Variants in TMEM108 observed in about 807,000 individuals in gnomAD.
TMEM108 encodes transmembrane protein 108, also known as cancer/testis antigen 124.
TMEM108 carries 12 observed loss-of-function variants against 35.1 expected under a neutral mutation model. That is an observed-to-expected ratio of 0.34 (90% CI 0.22 to 0.55). TMEM108 has a LOEUF of 0.55. Among genes scored for constraint, TMEM108 ranks in the 20% least tolerant of loss-of-function variants. TMEM108 has a pLI of 0.89. For missense variants in TMEM108, 680 were observed against 753.3 expected (o/e 0.90, Z 1.14); for synonymous variants, 287 against 308.6 (o/e 0.93, Z 0.73).
chr3:133,329,450 T>C (rs1313915089), intron 3 of TMEM108, among the ~76,000 whole-genome samples: 1 of 152,172 alleles, frequency 6.6e-6, no homozygotes, highest in Non-Finnish European at 1.5e-5. Context: ...AGAATTTTGC[T>C]GTGTCTTGTC....
intron 2 of TMEM108, among the ~76,000 whole-genome samples, chr3:133,070,431 C>T (rs1202539364): frequency 6.6e-6 from 1 of 152,146 alleles, no homozygotes; most frequent in African/African-American, 2.4e-5. Flanking sequence ...TTTCTCTCCC[C>T]TTAACTTGTG....
At chr3:133,277,434 CTG>C (rs1293626820) in intron 3 of TMEM108, among the ~76,000 whole-genome samples, 2 of 152,152 alleles carry the variant, frequency 1.3e-5, no homozygotes, top group East Asian at 1.9e-4. Context: ...TTTCTATAAA[CTG>C]TTTAAATAAA....
intron 2 of TMEM108, among the ~76,000 whole-genome samples, chr3:133,168,969 G>A (rs989360319): frequency 4.6e-5 from 7 of 152,076 alleles, no homozygotes; most frequent in Admixed American, 1.3e-4. Context: ...GCGAGACCAC[G>A]AACCCACCAG....
chr3:133,103,777 A>G (rs1944117111), intron 2 of TMEM108, among the ~76,000 whole-genome samples: 2 of 152,112 alleles, frequency 1.3e-5, no homozygotes, highest in African/African-American at 2.4e-5. Flanking sequence ...GTGTAGCCCC[A>G]TGGTTATGAG....
chr3:133,233,802 AT>A (rs1553750976), intron 3 of TMEM108, among the ~76,000 whole-genome samples: 1 of 150,730 alleles, frequency 6.6e-6, no homozygotes, highest in Non-Finnish European at 1.5e-5. Flanking sequence ...GATGATGAGC[AT>A]TTTTTCATGT....
chr3:133,200,266 C>A (rs557671307), intron 2 of TMEM108, among the ~76,000 whole-genome samples: 1 of 152,248 alleles, frequency 6.6e-6, no homozygotes, highest in South Asian at 2.1e-4. Context: ...TAGGCTGCAC[C>A]CACTCTCCTG....
At chr3:133,178,902 T>G (rs1466891991) in intron 2 of TMEM108, among the ~76,000 whole-genome samples, 1 of 152,110 alleles carries the variant, frequency 6.6e-6, no homozygotes, top group East Asian at 1.9e-4. Context: ...ATTTTTGCAA[T>G]CTACTCATCT....
At chr3:133,078,308 T>C (rs1052235520) in intron 2 of TMEM108, among the ~76,000 whole-genome samples, 1 of 152,156 alleles carries the variant, frequency 6.6e-6, no homozygotes, top group Non-Finnish European at 1.5e-5. Flanking sequence ...TCATTTTATA[T>C]CACCTCAGGG....
chr3:133,046,252 G>A (rs1334556206), intron 2 of TMEM108, among the ~76,000 whole-genome samples: 1 of 152,214 alleles, frequency 6.6e-6, no homozygotes, highest in Non-Finnish European at 1.5e-5. Context: ...CAAAACAGGA[G>A]TTTTTAGTGA....
At chr3:133,390,786 A>G (rs1283408356) in intron 5 of TMEM108, among the ~76,000 whole-genome samples, 1 of 152,216 alleles carries the variant, frequency 6.6e-6, no homozygotes, top group East Asian at 1.9e-4. Context: ...TGGAAACCCA[A>G]GGAGGAAAGC....
chr3:133,313,904 T>C (rs1424694508), intron 3 of TMEM108, among the ~76,000 whole-genome samples: 1 of 152,096 alleles, frequency 6.6e-6, no homozygotes, highest in Non-Finnish European at 1.5e-5. Flanking sequence ...TGAAGACCTT[T>C]TTAATGTGAA....
chr3:133,069,363 A>G (rs776907081), intron 2 of TMEM108, among the ~76,000 whole-genome samples: 1 of 152,214 alleles, frequency 6.6e-6, no homozygotes, highest in Admixed American at 6.5e-5. Context: ...AAAATAAACT[A>G]AGAAGTAATT....
At chr3:133,218,592 A>C (rs1024810331) in intron 2 of TMEM108, among the ~76,000 whole-genome samples, 1 of 151,806 alleles carries the variant, frequency 6.6e-6, no homozygotes, top group Admixed American at 6.6e-5. Flanking sequence ...ATTTATTGAG[A>C]GTTTTTATTA....
At chr3:133,144,980 T>C (rs1944696134) in intron 2 of TMEM108, among the ~76,000 whole-genome samples, 2 of 152,240 alleles carry the variant, frequency 1.3e-5, no homozygotes, top group African/African-American at 2.4e-5. Context: ...AGATCCCATT[T>C]GTCAATGTTG....
At position 133,282,073 on chromosome 3, in the gene TMEM108, T is replaced by C. The variant is rs189832657; in HGVS notation, c.40+52722T>C. 6.7e-3 allele frequency among the ~76,000 whole-genome samples: 1,021 copies of C among 152,090 alleles called. 16 individuals are homozygous for C. Among genetic ancestry groups the C allele is most frequent in the African/African-American group, 0.023 (957 of 41,498 alleles). ...TCGGGAGGCTGAGGCAGGAGAATGGTGTGAACCTGGGAGGCGGAGCTTGCA... is the reference window on the plus strand; with the variant it reads ...TCGGGAGGCTGAGGCAGGAGAATGGCGTGAACCTGGGAGGCGGAGCTTGCA... On this transcript the variant is annotated intron_variant, in intron 3 of 5. Coordinates refer to ENST00000321871, the MANE Select transcript of TMEM108 (RefSeq NM_023943.4).
At chr3:133,176,919 CA>C (rs1559857769) in intron 2 of TMEM108, among the ~76,000 whole-genome samples, 1 of 151,842 alleles carries the variant, frequency 6.6e-6, no homozygotes, top group African/African-American at 2.4e-5. Context: ...AGACCGCTAG[CA>C]AGACTAATAA....
At chr3:133,044,974 T>G (rs199635462) in intron 1 of TMEM108, among the ~76,000 whole-genome samples, 4 of 149,750 alleles carry the variant, frequency 2.7e-5, no homozygotes, top group East Asian at 2.0e-4. Context: ...TTTTTTTTTT[T>G]CTTTTTTTTT....
intron 3 of TMEM108, among the ~76,000 whole-genome samples, chr3:133,264,340 A>C (rs192697238): frequency 1.3e-3 from 192 of 152,198 alleles, no homozygotes; most frequent in African/African-American, 4.3e-3. Flanking sequence ...GCTATCTATC[A>C]TGCTATTTTC....
chr3:133,371,613 C>CAAAAAAAAAAAAAAAAAAAAAAGAAAA (rs2072674689), intron 3 of TMEM108, among the ~76,000 whole-genome samples: 1 of 78,058 alleles, frequency 1.3e-5, no homozygotes, highest in African/African-American at 5.9e-5. Flanking sequence ...CACAAACCCA[C>CAAAAAAAAAAAAAAAAAAAAAAGAAAA]AAAAAAAAAA....
Sources: gnomAD v4.1 joint callset for allele counts (sites outside exome capture counted in the v4.1 genomes callset) on GRCh38, gnomAD v4.1.1 for gene constraint, MANE v1.5 for transcripts, NCBI Gene and HGNC (gene_info 2026-07-23, HGNC 2026-07-21) for gene names.